Variants in CBFA2T3 observed in about 807,000 individuals in gnomAD.
CBFA2T3 encodes the protein transcriptional corepressor CBFA2T3.
A neutral mutation model predicts 58.6 loss-of-function variants in CBFA2T3; 31 were observed. That is an observed-to-expected ratio of 0.53 (90% CI 0.40 to 0.71). The LOEUF is 0.71. Ranked by LOEUF, CBFA2T3 falls within the 30% of genes least tolerant of loss-of-function variation. The probability of loss-of-function intolerance (pLI) is 0.00; values close to 1 mark genes in which losing one functional copy is unlikely to be tolerated. For synonymous variants in CBFA2T3, 531 were observed against 421.9 expected, an observed-to-expected ratio of 1.26 and a Z score of -3.17; for missense variants, 1,076 against 963.1, an observed-to-expected ratio of 1.12 and a Z score of -1.55.
chr16:88,882,616 G>A (rs535407261), intron 8 of CBFA2T3, 60 bp downstream of exon 8: 576 of 1,059,250 alleles, frequency 5.4e-4, no homozygotes, highest in South Asian at 1.5e-3. Context: ...GTGGCTGTGT[G>A]TGTGCGTGGC....
At chr16:88,976,471 G>A (rs1245363825) in intron 1 of CBFA2T3, among the ~76,000 whole-genome samples, 186 bp downstream of exon 1, 1 of 152,196 alleles carries the variant, frequency 6.6e-6, no homozygotes, top group African/African-American at 2.4e-5. Flanking sequence ...CAGCCCACCT[G>A]CCCCAGCTGT....
At chr16:88,900,746 A>C (rs1970063616) in intron 2 of CBFA2T3, among the ~76,000 whole-genome samples, 3 of 152,196 alleles carry the variant, frequency 2.0e-5, no homozygotes, top group Admixed American at 2.0e-4. Flanking sequence ...CCGCCGGCCC[A>C]GCAACTGGGC....
At chr16:88,893,085 C>A (rs547750439) in intron 3 of CBFA2T3, among the ~76,000 whole-genome samples, 2 of 152,102 alleles carry the variant, frequency 1.3e-5, no homozygotes, top group African/African-American at 4.8e-5. Context: ...AATGAGAAGT[C>A]GCTCATCCCC....
At position 88,974,229 on chromosome 16, in the gene CBFA2T3, A is replaced by C. The variant is rs192665649; in HGVS notation, c.151+2428T>G. Among the ~76,000 whole-genome samples, 726 of 152,248 alleles carry C rather than the reference A, an allele frequency of 4.8e-3. 6 individuals are homozygous for C. Among genetic ancestry groups the C allele is most frequent in the African/African-American group, 0.017 (700 of 41,532 alleles). ...TCTGCAAAGTGGGCTTGGGGGGACAAGGCGGTGAGAGCCTGCACAGCTCCG... is the reference window on the plus strand; with the variant it reads ...TCTGCAAAGTGGGCTTGGGGGGACACGGCGGTGAGAGCCTGCACAGCTCCG... On this transcript the variant is annotated intron_variant, in intron 1 of 11. Transcript: ENST00000268679.
intron 5 of CBFA2T3, among the ~76,000 whole-genome samples, chr16:88,887,662 T>C (rs958741339): frequency 6.6e-6 from 1 of 152,126 alleles, no homozygotes; most frequent in Non-Finnish European, 1.5e-5. Flanking sequence ...GGGTGGGGAC[T>C]GTGGGAACCT....
intron 1 of CBFA2T3, among the ~76,000 whole-genome samples, chr16:88,960,443 G>C (rs893067424): frequency 1.3e-5 from 2 of 152,220 alleles, no homozygotes; most frequent in Admixed American, 6.5e-5. Context: ...TGTCACATTT[G>C]AACACTATTG....
intron 1 of CBFA2T3, among the ~76,000 whole-genome samples, chr16:88,932,291 A>G (rs1971338852): frequency 6.9e-6 from 1 of 145,708 alleles, no homozygotes; most frequent in South Asian, 2.2e-4. Context: ...CAGGCAGAGC[A>G]CACACTTCCA....
At position 88,901,671 on chromosome 16, in the gene CBFA2T3, G is replaced by T; in HGVS notation, c.152-15C>A. 1 of 1,518,342 alleles carries T rather than the reference G, an allele frequency of 6.6e-7. No individual in the cohort carries two copies. 94.1% of individuals were successfully genotyped at this position (1,518,342 alleles called of 1,614,324 possible). On this transcript the variant is annotated splice_polypyrimidine_tract_variant and intron_variant, in intron 1 of 11. Transcript: ENST00000268679. ...GTCCACTGGGGCTGCGACCAACGGA[G>T]AAAGAAAGAGTCGGTGAAGCAGGCT...
chr16:88,976,808 G>A lies in CBFA2T3; in HGVS notation c.-1C>T, dbSNP rs1972875077. 2 of 1,551,792 alleles carry A rather than the reference G, an allele frequency of 1.3e-6. No individual in the cohort carries two copies. Among genetic ancestry groups the A allele is most frequent in the Non-Finnish European group, 8.7e-7 (1 of 1,146,782 alleles). On this transcript the variant is annotated 5_prime_UTR_variant, in exon 1 of 12. Coordinates refer to ENST00000268679, the MANE Select transcript of CBFA2T3 (RefSeq NM_005187.6). ...TGTCCCTCAGTCTTGAAGCCGGCATGAGGAGGGCCACCCTCAGGGGCCAAC... is the reference window on the plus strand; with the variant it reads ...TGTCCCTCAGTCTTGAAGCCGGCATAAGGAGGGCCACCCTCAGGGGCCAAC...
At chr16:88,898,215 G>A in intron 2 of CBFA2T3, 63 bp from the exon 3 acceptor site, 1 of 1,304,828 alleles carries the variant, frequency 7.7e-7, no homozygotes, top group Non-Finnish European at 1.1e-6. Context: ...TCTGCCCTCA[G>A]GGGCGCCCGC....
At chr16:88,889,539 T>C (rs568279146) in intron 5 of CBFA2T3, among the ~76,000 whole-genome samples, 2 of 151,976 alleles carry the variant, frequency 1.3e-5, no homozygotes, top group East Asian at 1.9e-4. Context: ...TTGACAGACC[T>C]AGGTTTGAGC....
At position 88,898,109 on chromosome 16, in the gene CBFA2T3, A is replaced by G. The variant is rs2142621116; in HGVS notation, c.348T>C (p.His116=). ...GPATLPHGRF[H]GCLKWSMVCL... is the part of the protein sequence containing the mutation. ...AGACCATAGACCATTTTAAGCAGCC[A>G]TGAAAACGGCCGTGGGGCAGCGTCG... The change falls in exon 3 of 12, where the codon CAT becomes CAC. Residue 116 remains histidine, a synonymous_variant. Transcript: ENST00000268679. 6.2e-7 allele frequency: 1 copy of G among 1,613,054 alleles called. No individual in the cohort carries two copies. Among genetic ancestry groups the G allele is most frequent in the Non-Finnish European group, 8.5e-7 (1 of 1,179,572 alleles).
At chr16:88,891,073 T>G (rs1969610841) in intron 5 of CBFA2T3, among the ~76,000 whole-genome samples, 1 of 152,142 alleles carries the variant, frequency 6.6e-6, no homozygotes, top group Non-Finnish European at 1.5e-5. Context: ...CCACGGTTGA[T>G]CTGGGTGTGA....
At chr16:88,900,815 C>G (rs928301832) in intron 2 of CBFA2T3, among the ~76,000 whole-genome samples, 2 of 152,264 alleles carry the variant, frequency 1.3e-5, no homozygotes, top group African/African-American at 4.8e-5. Flanking sequence ...GTGATGAGAA[C>G]TGGCTGTTCC....
intron 8 of CBFA2T3, 38 bp from the exon 9 acceptor site, chr16:88,881,527 G>C (rs558848178): frequency 6.3e-7 from 1 of 1,575,412 alleles, no homozygotes; most frequent in South Asian, 1.1e-5. Flanking sequence ...ACCTCAGAGG[G>C]ACCGGGACGC....
chr16:88,924,544 G>T (rs926563472), intron 1 of CBFA2T3, among the ~76,000 whole-genome samples: 3 of 152,122 alleles, frequency 2.0e-5, no homozygotes, highest in Non-Finnish European at 4.4e-5. Flanking sequence ...GGCTGCGGGG[G>T]CCACCAGGGC....
chr16:88,900,201 C>T (rs1476818618), intron 2 of CBFA2T3, among the ~76,000 whole-genome samples: 3 of 152,246 alleles, frequency 2.0e-5, no homozygotes, highest in Admixed American at 6.5e-5. Flanking sequence ...TGTTTGGCTC[C>T]TACTGAGTGC....
At chr16:88,906,176 G>A (rs1272986116) in intron 1 of CBFA2T3, among the ~76,000 whole-genome samples, 1 of 152,124 alleles carries the variant, frequency 6.6e-6, no homozygotes, top group Non-Finnish European at 1.5e-5. Context: ...CCGGCCCACA[G>A]CTCCACCAAG....
intron 1 of CBFA2T3, chr16:88,937,118 C>T (rs558516093): frequency 1.1e-4 from 17 of 152,378 alleles, no homozygotes; most frequent in African/African-American, 3.6e-4. Context: ...GCCTGGGCTC[C>T]GCTGAAAGGA....
Sources: gnomAD v4.1 joint callset for allele counts (sites outside exome capture counted in the v4.1 genomes callset) on GRCh38, gnomAD v4.1.1 for gene constraint, MANE v1.5 for transcripts, NCBI Gene and HGNC (gene_info 2026-07-23, HGNC 2026-07-21) for gene names.